Variants in CCDC102B observed in about 807,000 individuals in gnomAD.
CCDC102B encodes coiled-coil domain containing 102B, also known as coiled-coil domain-containing protein 102B.
A neutral mutation model predicts 57.4 loss-of-function variants in CCDC102B; 75 were observed. That is an observed-to-expected ratio of 1.31 (90% confidence interval 1.08 to 1.58). CCDC102B has a LOEUF of 1.58. Among genes scored for constraint, CCDC102B ranks in the 40% most tolerant of loss-of-function variants. The pLI is 0.00. For missense variants in CCDC102B, 636 were observed against 582.6 expected, an observed-to-expected ratio of 1.09 and a Z score of -0.94; for synonymous variants, 206 against 201.9, an observed-to-expected ratio of 1.02 and a Z score of -0.17.
At chr18:69,042,690 G>A (rs959554186) in intron 7 of CCDC102B, among the ~76,000 whole-genome samples, 26 of 152,104 alleles carry the variant, frequency 1.7e-4, no homozygotes, top group South Asian at 1.2e-3. Flanking sequence ...TAGACACTGG[G>A]CCACAGATCT....
chr18:68,723,577 T>C (rs183407643), intron 2 of CCDC102B, among the ~76,000 whole-genome samples: 170 of 152,270 alleles, frequency 1.1e-3, no homozygotes, highest in African/African-American at 3.8e-3. Context: ...ACGGGCCCCA[T>C]GCAAGTCCGA....
chr18:68,733,506 A>ATATATATATATTT (rs1286743067), intron 2 of CCDC102B, among the ~76,000 whole-genome samples: 2 of 87,642 alleles, frequency 2.3e-5, no homozygotes, highest in African/African-American at 1.1e-4. Context: ...ATATATATAT[A>ATATATATATATTT]TTTTTTTAAC....
intron 1 of CCDC102B, among the ~76,000 whole-genome samples, chr18:68,803,759 A>G (rs1416462226): frequency 7.0e-6 from 1 of 143,354 alleles, no homozygotes; most frequent in Non-Finnish European, 1.5e-5. Context: ...CATGGTCACC[A>G]ACCTAATATT....
intron 3 of CCDC102B, among the ~76,000 whole-genome samples, 166 bp from the exon 4 acceptor site, chr18:68,846,147 T>C (rs562743324): frequency 6.6e-6 from 1 of 152,026 alleles, no homozygotes; most frequent in African/African-American, 2.4e-5. Flanking sequence ...AAAATACTTT[T>C]ATTCAATATT....
rs201214278 is a variant in CCDC102B, at chr18:68,738,993, C to CTTTTTTTTTTTT, written c.-67+22403_-67+22404insTTTTTTTTTTTT. ...GGCCATTGGACTGTAGATGAGCAGCCTTTTGTTTTTTTTTTTTTTAGACCA... is the reference window on the plus strand; with the variant it reads ...GGCCATTGGACTGTAGATGAGCAGCCTTTTTTTTTTTTTTTTGTTTTTTTTTTTTTTAGACCA... On this transcript the variant is annotated intron_variant, in intron 2 of 3. Transcript: ENST00000578970. Among the ~76,000 whole-genome samples the CTTTTTTTTTTTT allele has an allele frequency of 3.7e-4, 54 of 145,012 alleles. 2 individuals carry two copies. The highest frequency in any genetic ancestry group is 6.8e-4 in the African/African-American group (26 of 37,970).
chr18:68,907,871 AG>A (rs996024773), intron 6 of CCDC102B, among the ~76,000 whole-genome samples: 3 of 152,200 alleles, frequency 2.0e-5, no homozygotes, highest in African/African-American at 7.2e-5. Context: ...GGCTCATCTT[AG>A]GGGGAAGACT....
At chr18:68,734,717 T>C (rs2033049211) in intron 2 of CCDC102B, 1 of 152,238 alleles carries the variant, frequency 6.6e-6, no homozygotes, top group African/African-American at 2.4e-5. Flanking sequence ...TACTGTTCTC[T>C]AAATCTTATT....
chr18:68,916,770 A>G (rs1167586366), intron 6 of CCDC102B, among the ~76,000 whole-genome samples: 1 of 152,206 alleles, frequency 6.6e-6, no homozygotes, highest in African/African-American at 2.4e-5. Flanking sequence ...AAATTAGTAC[A>G]TTCGTTGCAT....
At chr18:68,829,076 T>C (rs1378747085) in intron 1 of CCDC102B, among the ~76,000 whole-genome samples, 1 of 151,976 alleles carries the variant, frequency 6.6e-6, no homozygotes, top group Non-Finnish European at 1.5e-5. Context: ...GCTACAACAT[T>C]TGGATTCACC....
At chr18:68,720,077 A>G (rs575661566) in intron 2 of CCDC102B, among the ~76,000 whole-genome samples, 9 of 152,260 alleles carry the variant, frequency 5.9e-5, no homozygotes, top group Non-Finnish European at 1.3e-4. Context: ...AGAGATAAAG[A>G]GCATATAATT....
At chr18:68,917,622 A>AT (rs982780149) in intron 6 of CCDC102B, among the ~76,000 whole-genome samples, 14 of 152,274 alleles carry the variant, frequency 9.2e-5, no homozygotes, top group African/African-American at 2.9e-4. Context: ...AATTCTGGTT[A>AT]TTTTTGGTGT....
chr18:69,049,623 A>T (rs1447422592), intron 7 of CCDC102B, among the ~76,000 whole-genome samples: 1 of 152,182 alleles, frequency 6.6e-6, no homozygotes, highest in Non-Finnish European at 1.5e-5. Context: ...AAGGCCAAGA[A>T]GAAAACAACC....
At chr18:69,016,026 C>CT (rs68178005) in intron 7 of CCDC102B, among the ~76,000 whole-genome samples, 83 of 128,926 alleles carry the variant, frequency 6.4e-4, no homozygotes, top group African/African-American at 2.3e-3. Context: ...GGCTAATTTT[C>CT]TTTTTTTTTT....
intron 6 of CCDC102B, among the ~76,000 whole-genome samples, chr18:68,899,539 G>C (rs1376721939): frequency 6.6e-6 from 1 of 151,950 alleles, no homozygotes; most frequent in East Asian, 1.9e-4. Context: ...AGGGACACTA[G>C]TGCAAACACT....
intron 7 of CCDC102B, among the ~76,000 whole-genome samples, chr18:69,021,889 G>A (rs1386092958): frequency 7.9e-5 from 12 of 152,070 alleles, no homozygotes; most frequent in Middle Eastern, 3.4e-3. Context: ...CATTCTCCCC[G>A]GTGTGGATGA....
intron 6 of CCDC102B, among the ~76,000 whole-genome samples, chr18:69,009,949 T>TTTTTAGTA (rs2051461349): frequency 7.6e-6 from 1 of 132,360 alleles, no homozygotes; most frequent in African/African-American, 2.8e-5. Context: ...TTTTTTTTTT[T>TTTTTAGTA]GAGACGGAGC....
At chr18:68,733,494 ATATATATATATATT>A (rs1223206967) in intron 2 of CCDC102B, among the ~76,000 whole-genome samples, 44 of 89,656 alleles carry the variant, frequency 4.9e-4, no homozygotes, top group African/African-American at 2.0e-3. Flanking sequence ...ATATATATAT[ATATATATATATATT>A]TTTTTAACTT....
At chr18:69,029,818 G>A (rs1056409025) in intron 7 of CCDC102B, among the ~76,000 whole-genome samples, 2 of 152,142 alleles carry the variant, frequency 1.3e-5, no homozygotes, top group African/African-American at 4.8e-5. Context: ...AAAGAAATAT[G>A]TTGAAATATA....
intron 6 of CCDC102B, among the ~76,000 whole-genome samples, chr18:68,974,503 A>T (rs1367679699): frequency 2.6e-5 from 4 of 151,892 alleles, no homozygotes; most frequent in Non-Finnish European, 2.9e-5. Flanking sequence ...CTTTTTTTCT[A>T]TGGCATTTTC....
Sources: allele counts gnomAD v4.1 joint callset (sites outside exome capture counted in the v4.1 genomes callset), GRCh38; gene constraint gnomAD v4.1.1; transcripts MANE v1.5; gene names NCBI Gene and HGNC (gene_info 2026-07-23, HGNC 2026-07-21).